The following MED28 variants were observed in gnomAD, a reference collection of about 807,000 sequenced individuals.
MED28 encodes mediator of RNA polymerase II transcription subunit 28.
MED28 carries 26 observed loss-of-function variants against 21.3 expected under a neutral mutation model. The ratio of observed to expected loss-of-function variants is 1.22; its 90% CI spans 0.89 to 1.69. MED28 has a LOEUF of 1.69. Among genes scored for constraint, MED28 ranks in the 40% most tolerant of loss-of-function variants. The pLI is 0.00. For missense variants in MED28, 257 were observed against 215.4 expected (o/e 1.19, Z -1.21); for synonymous variants, 110 against 87.6 (o/e 1.26, Z -1.43).
intron 2 of MED28, 137 bp from the exon 3 acceptor site, chr4:17,621,450 C>A: frequency 1.8e-6 from 1 of 558,576 alleles, no homozygotes; most frequent in Non-Finnish European, 3.1e-6. Flanking sequence ...GTTATGATTA[C>A]TGCTGTGGCC....
Position 17,633,688 on chromosome 4 carries a change from C to T in MED28, c.*9890C>T. On this transcript the variant is annotated 3_prime_UTR_variant, in exon 4 of 4. Transcript: ENST00000237380. ...GCCCCTGTCCCCAACATCCCCCAAA[C>T]CTTGTGGCAGTTTTTGCATCTGTAG... is the stretch of plus-strand genomic sequence containing the variant. 6.5e-7 allele frequency: 1 copy of T among 1,527,532 alleles called. No individual in the cohort carries two copies. Among genetic ancestry groups the T allele is most frequent in the Non-Finnish European group, 8.8e-7 (1 of 1,134,278 alleles). The allele number at this position is 1,527,532 out of a possible 1,614,324, so 94.6% of individuals were successfully genotyped here.
chr4:17,632,330 C>A lies in MED28; in HGVS notation c.*8532C>A. 5.1e-6 allele frequency: 2 copies of A among 394,852 alleles called. No homozygotes were observed. Among genetic ancestry groups the A allele is most frequent in the South Asian group, 3.4e-5 (1 of 29,238 alleles). 24.5% of individuals were successfully genotyped at this position (394,852 alleles called of 1,614,324 possible). On this transcript the variant is annotated 3_prime_UTR_variant, in exon 4 of 4. Transcript: ENST00000237380. Reference sequence around the variant, plus strand: ...ACTCAAGCAGTCCATCTGCCTCAGCCTCCCAAAGTGATGGGATTACAGGCG... The same window carrying A: ...ACTCAAGCAGTCCATCTGCCTCAGCATCCCAAAGTGATGGGATTACAGGCG...
chr4:17,623,587 A>G lies in MED28; in HGVS notation c.340-14A>G, dbSNP rs751329090. ...TGCATTTGCTCTGACTTAGTCCATG[A>G]CTTTCATCTGCAGGATGTGTCAGAA... On this transcript the variant is annotated splice_polypyrimidine_tract_variant and intron_variant, in intron 3 of 3. Coordinates refer to ENST00000237380, the MANE Select transcript of MED28 (RefSeq NM_025205.5). 6.2e-7 allele frequency: 1 copy of G among 1,612,966 alleles called. No homozygotes were observed. The highest frequency in any genetic ancestry group is 1.7e-5 in the Admixed American group (1 of 60,006).
In MED28 at chr4:17,632,828, A is replaced by AAGGTTCACCATTGTT. The variant is rs1191265222; in HGVS notation, c.*9031_*9045dup. On this transcript the variant is annotated 3_prime_UTR_variant, in exon 4 of 4. Transcript: ENST00000237380. The stretch of plus-strand genomic sequence containing the variant: ...TACCTAATCCTCATTTGGAAAACAG[A>AAGGTTCACCATTGTT]AGGTTCACCATTGTTTGGTTCTCCA... 2 of 458,940 alleles carry AAGGTTCACCATTGTT rather than the reference A, an allele frequency of 4.4e-6. No homozygotes were observed. The highest frequency in any genetic ancestry group is 3.9e-5 in the African/African-American group (2 of 51,192). The allele number at this position is 458,940 out of a possible 1,614,324, so 28.4% of individuals were successfully genotyped here.
At position 17,630,168 on chromosome 4, in the gene MED28, A is replaced by C. The variant is rs1714881070; in HGVS notation, c.*6370A>C. On this transcript the variant is annotated 3_prime_UTR_variant, in exon 4 of 4. Transcript: ENST00000237380. ...ACAGAAATGCAAAGTGCAGCCTGGGAAAGTGTTTCAACACACAAAAATAGA... is the reference window on the plus strand; with the variant it reads ...ACAGAAATGCAAAGTGCAGCCTGGGCAAGTGTTTCAACACACAAAAATAGA... 6.6e-6 allele frequency: 1 copy of C among 152,252 alleles called. No individual in the cohort carries two copies. Among genetic ancestry groups the C allele is most frequent in the Non-Finnish European group, 1.5e-5 (1 of 68,052 alleles). 9.4% of individuals were successfully genotyped at this position (152,252 alleles called of 1,614,324 possible). A position where few individuals can be genotyped will look rare whatever the true frequency, so the allele number is the denominator to read the frequency against.
intron 1 of MED28, among the ~76,000 whole-genome samples, chr4:17,618,855 A>G (rs1012014587): frequency 6.6e-6 from 1 of 152,162 alleles, no homozygotes; most frequent in African/African-American, 2.4e-5. Context: ...TCAATGTTCA[A>G]AGTAATCCTG....
At chr4:17,615,397 A>G (rs897933613) in intron 1 of MED28, among the ~76,000 whole-genome samples, 4 of 152,218 alleles carry the variant, frequency 2.6e-5, no homozygotes, top group African/African-American at 9.6e-5. Context: ...TTGAGGGAAG[A>G]TAGAGAGGTG....
intron 1 of MED28, among the ~76,000 whole-genome samples, chr4:17,619,207 T>TG (rs1157294136): frequency 6.6e-6 from 1 of 152,238 alleles, no homozygotes; most frequent in East Asian, 1.9e-4. Context: ...CACATTTGCA[T>TG]CTGTATAGGT....
In MED28 at chr4:17,633,861, G is replaced by T; in HGVS notation, c.*10063G>T. 6.4e-7 allele frequency: 1 copy of T among 1,550,622 alleles called. No homozygotes were observed. The highest frequency in any genetic ancestry group is 1.2e-5 in the South Asian group (1 of 83,938). ...GCGAGGTTCGGCACGCTGACCACGC[G>T]GCTGGGCACGTCCTCCACCTTCTTT... On this transcript the variant is annotated 3_prime_UTR_variant, in exon 4 of 4. Transcript: ENST00000237380.
Position 17,624,896 on chromosome 4 carries a change from T to C in MED28, c.*1098T>C, listed in dbSNP as rs1470146514. ...GAGTTGCTGTTAAGAAATGGAGATT[T>C]CTGGCTCTCATTGGGTAAGGTTTTC... On this transcript the variant is annotated 3_prime_UTR_variant, in exon 4 of 4. Transcript: ENST00000237380. 1 of 152,182 alleles carries C rather than the reference T, an allele frequency of 6.6e-6. No homozygotes were observed. The highest frequency in any genetic ancestry group is 6.5e-5 in the Admixed American group (1 of 15,270). The allele number at this position is 152,182 out of a possible 1,614,324, so 9.4% of individuals were successfully genotyped here. A position where few individuals can be genotyped will look rare whatever the true frequency, so the allele number is the denominator to read the frequency against.
chr4:17,625,655 G>C lies in MED28; in HGVS notation c.*1857G>C. 1 of 447,596 alleles carries C rather than the reference G, an allele frequency of 2.2e-6. No individual in the cohort carries two copies. The highest frequency in any genetic ancestry group is 1.6e-5 in the South Asian group (1 of 62,606). 27.7% of individuals were successfully genotyped at this position (447,596 alleles called of 1,614,324 possible). On this transcript the variant is annotated 3_prime_UTR_variant, in exon 4 of 4. Transcript: ENST00000237380. ...AATTTTTCAATCTTCTCTGTTTGTA[G>C]ACATCTTACTGGGTGATGAATAATC... is the stretch of plus-strand genomic sequence containing the variant.
In MED28 at chr4:17,631,008, T is replaced by C. The variant is rs1714919938; in HGVS notation, c.*7210T>C. On this transcript the variant is annotated 3_prime_UTR_variant, in exon 4 of 4. Transcript: ENST00000237380. ...CAGCACCAAAGACTGAAAAAATATT[T>C]TGCCCCCTAAAAGTTGTTATTGAGT... is the stretch of plus-strand genomic sequence containing the variant. The C allele has an allele frequency of 6.6e-6, 1 of 152,190 alleles. No individual in the cohort carries two copies. Among genetic ancestry groups the C allele is most frequent in the Non-Finnish European group, 1.5e-5 (1 of 68,038 alleles). The allele number at this position is 152,190 out of a possible 1,614,324, so 9.4% of individuals were successfully genotyped here.
Position 17,633,756 on chromosome 4 carries a change from C to T in MED28, c.*9958C>T. On this transcript the variant is annotated 3_prime_UTR_variant, in exon 4 of 4. Transcript: ENST00000237380. ...GTCCGGCCACAGCTGGGGCTTGGGT[C>T]CAAGCTGGGTGATGTAGTTATTGGA... The T allele has an allele frequency of 3.2e-6, 5 of 1,551,118 alleles. No individual in the cohort carries two copies. The highest frequency in any genetic ancestry group is 4.4e-6 in the Non-Finnish European group (5 of 1,146,768).
chr4:17,620,354 GT>G (rs34093588), intron 2 of MED28, among the ~76,000 whole-genome samples: 100 of 141,176 alleles, frequency 7.1e-4, no homozygotes, highest in Admixed American at 9.2e-4. Context: ...TATTTTACAT[GT>G]TTTTTTTTTT....
Position 17,625,627 on chromosome 4 carries a change from A to G in MED28, c.*1829A>G, listed in dbSNP as rs1407005478. On this transcript the variant is annotated 3_prime_UTR_variant, in exon 4 of 4. Transcript: ENST00000237380. ...AAATTCAGAAGTTTTTTTGCCAAAT[A>G]ACAATTTTTCAATCTTCTCTGTTTG... is the stretch of plus-strand genomic sequence containing the variant. 2 of 444,674 alleles carry G rather than the reference A, an allele frequency of 4.5e-6. No individual in the cohort carries two copies. The highest frequency in any genetic ancestry group is 1.4e-4 in the East Asian group (2 of 13,834). 27.5% of individuals were successfully genotyped at this position (444,674 alleles called of 1,614,324 possible). A position where few individuals can be genotyped will look rare whatever the true frequency, so the allele number is the denominator to read the frequency against.
rs1273661797 is a variant in MED28, at chr4:17,626,573, C to CTTTTT, written c.*2777_*2781dup. 1 of 152,134 alleles carries CTTTTT rather than the reference C, an allele frequency of 6.6e-6. No homozygotes were observed. The allele number at this position is 152,134 out of a possible 1,614,324, so 9.4% of individuals were successfully genotyped here. On this transcript the variant is annotated 3_prime_UTR_variant, in exon 4 of 4. Transcript: ENST00000237380. ...AGGTAGAAAGTTCCACCAAGAAGGC[C>CTTTTT]TTTTTTCTTGAATACTGCTTAGCTT...
At position 17,614,703 on chromosome 4, in the gene MED28, C is replaced by G. The variant is rs758243553; in HGVS notation, c.49C>G (p.Pro17Ala). 1 of 1,614,220 alleles carries G rather than the reference C, an allele frequency of 6.2e-7. No homozygotes were observed. The highest frequency in any genetic ancestry group is 2.2e-5 in the East Asian group (1 of 44,874). Residue 17 changes from proline to alanine, a missense_variant, in exon 1 of 4, where the codon CCT (proline) becomes GCT (alanine). Coordinates refer to ENST00000237380, the MANE Select transcript of MED28 (RefSeq NM_025205.5). ...GTTTTCTGGGCAGCCACCCGGTCCC[C>G]CTCAGGCCCCGCCGGGCCTTCCGGG... ...GMFSGQPPGPPQAPPGLPGQA... is the reference protein window; with the variant it reads ...GMFSGQPPGPAQAPPGLPGQA...
In MED28 at chr4:17,624,342, G is replaced by A. The variant is rs535850216; in HGVS notation, c.*544G>A. 1.3e-5 allele frequency: 2 copies of A among 157,648 alleles called. No individual in the cohort carries two copies. Among genetic ancestry groups the A allele is most frequent in the Non-Finnish European group, 2.8e-5 (2 of 71,038 alleles). The allele number at this position is 157,648 out of a possible 1,614,324, so 9.8% of individuals were successfully genotyped here. ...GAGCTCTCAGAATGAGGATTTTTTT[G>A]TAAATAGGTCAGAAGACGATGGAAC... On this transcript the variant is annotated 3_prime_UTR_variant, in exon 4 of 4. Transcript: ENST00000237380.
intron 2 of MED28, 72 bp downstream of exon 2, chr4:17,620,039 A>G (rs1252215986): frequency 5.2e-6 from 7 of 1,348,500 alleles, no homozygotes; most frequent in Admixed American, 3.4e-5. Context: ...TTTATACTTC[A>G]TGTGTTTCAG....
Sources: gnomAD v4.1 joint callset for allele counts (sites outside exome capture counted in the v4.1 genomes callset) on GRCh38, gnomAD v4.1.1 for gene constraint, MANE v1.5 for transcripts, NCBI Gene and HGNC (gene_info 2026-07-23, HGNC 2026-07-21) for gene names.